PARP11: variants seen among roughly 807,000 people sequenced by gnomAD.
The protein encoded by PARP11 is poly(ADP-ribose) polymerase family member 11.
In PARP11, 31 loss-of-function variants were observed where a neutral mutation model predicts 42.9. The ratio of observed to expected loss-of-function variants is 0.72; its 90% CI spans 0.54 to 0.98. The LOEUF is 0.98. Ranked by LOEUF, PARP11 falls within the 50% of genes least tolerant of loss-of-function variation. PARP11 has a pLI of 0.00. For missense variants in PARP11, 365 were observed against 413.1 expected (o/e 0.88, Z 1.01); for synonymous variants, 137 against 127.3 (o/e 1.08, Z -0.51).
intron 1 of PARP11, among the ~76,000 whole-genome samples, chr12:3,838,251 C>A (rs1947805621): frequency 6.6e-6 from 1 of 151,824 alleles, no homozygotes; most frequent in African/African-American, 2.4e-5. Flanking sequence ...AATCGTATCA[C>A]TTATCTTTTC....
intron 6 of PARP11, among the ~76,000 whole-genome samples, chr12:3,818,754 A>T (rs1329462523): frequency 6.6e-6 from 1 of 152,168 alleles, no homozygotes; most frequent in Non-Finnish European, 1.5e-5. Flanking sequence ...ATCTTACTTG[A>T]CATCTTTTCA....
intron 1 of PARP11, among the ~76,000 whole-genome samples, chr12:3,846,925 A>T (rs1404975539): frequency 6.6e-6 from 1 of 151,902 alleles, no homozygotes; most frequent in Non-Finnish European, 1.5e-5. Flanking sequence ...TCTCTGCACA[A>T]AATTTAAAAA....
chr12:3,849,227 A>G (rs1253462834), intron 1 of PARP11, among the ~76,000 whole-genome samples: 1 of 152,082 alleles, frequency 6.6e-6, no homozygotes, highest in East Asian at 1.9e-4. Flanking sequence ...GTAAATAAGA[A>G]CAGTCACCAT....
Position 3,830,081 on chromosome 12 carries a change from A to T in PARP11, c.19-63T>A, listed in dbSNP as rs1378541048. On this transcript the variant is annotated intron_variant, in intron 1 of 7. Transcript: ENST00000228820. ...TATTAATAACAAGTATACTTTTTACAGATCATTTTACTTCTTTACAAAGAG... is the reference window on the plus strand; with the variant it reads ...TATTAATAACAAGTATACTTTTTACTGATCATTTTACTTCTTTACAAAGAG... 22 of 1,472,390 alleles carry T rather than the reference A, an allele frequency of 1.5e-5. No individual in the cohort carries two copies. In the African/African-American group the frequency reaches 2.5e-4, roughly 17 times the overall value. 91.2% of individuals were successfully genotyped at this position (1,472,390 alleles called of 1,614,324 possible). A position where few individuals can be genotyped will look rare whatever the true frequency, so the allele number is the denominator to read the frequency against.
In PARP11 at chr12:3,855,252, T is replaced by C. The variant is rs1948170755; in HGVS notation, c.18+17960A>G. ...CAGGGATGCCCTCTCTCACCACTCC[T>C]ATTCAACATAGTGTTGAAAGTTCTG... On this transcript the variant is annotated intron_variant, in intron 1 of 7. Transcript: ENST00000228820. 3.3e-5 allele frequency among the ~76,000 whole-genome samples: 5 copies of C among 152,302 alleles called. No homozygotes were observed. The South Asian group carries it at 1.0e-3, about 32-fold the overall frequency.
chr12:3,817,247 G>A (rs762709388), intron 6 of PARP11, among the ~76,000 whole-genome samples: 5 of 152,004 alleles, frequency 3.3e-5, no homozygotes, highest in South Asian at 2.1e-4. Flanking sequence ...ATTGAATCTC[G>A]GTTTGAAAAT....
chr12:3,814,440 C>T (rs1565529641), intron 6 of PARP11, among the ~76,000 whole-genome samples: 1 of 152,212 alleles, frequency 6.6e-6, no homozygotes, highest in East Asian at 1.9e-4. Flanking sequence ...TATAGTTATC[C>T]CATGCTATGC....
chr12:3,860,671 T>C (rs1045946530), intron 1 of PARP11, among the ~76,000 whole-genome samples: 8 of 152,164 alleles, frequency 5.3e-5, no homozygotes, highest in African/African-American at 1.9e-4. Flanking sequence ...ACTTTTTAAT[T>C]TTTTTAGAGA....
rs1489692067 is a variant in PARP11, at chr12:3,861,971, G to A, written c.18+11241C>T. 6.6e-6 allele frequency among the ~76,000 whole-genome samples: 1 copy of A among 152,078 alleles called. No homozygotes were observed. Among genetic ancestry groups the A allele is most frequent in the Non-Finnish European group, 1.5e-5 (1 of 68,020 alleles). ...ACCCAGGAGGCAGAGCTTGCAGTAG[G>A]ATGAGATAGCACCACTGCACTCCAA... On this transcript the variant is annotated intron_variant, in intron 1 of 7. Coordinates refer to ENST00000228820, the MANE Select transcript of PARP11 (RefSeq NM_020367.6). The surrounding 1 kb of genome is among the most constrained non-coding windows in gnomAD (Gnocchi z 4.6).
rs1184409186 is a variant in PARP11 at position 3,840,855 on chromosome 12, A to G, written c.19-10837T>C. 4 of 1,600,044 alleles carry G rather than the reference A, an allele frequency of 2.5e-6. No homozygotes were observed. Among genetic ancestry groups the G allele is most frequent in the East Asian group, 4.5e-5 (2 of 44,852 alleles). ...TAGAGTGCCCTTCTCCTGCAGAACAAAAGCCAGCAGAACATGTGTCTTTGT... is the reference window on the plus strand; with the variant it reads ...TAGAGTGCCCTTCTCCTGCAGAACAGAAGCCAGCAGAACATGTGTCTTTGT... On this transcript the variant is annotated intron_variant, in intron 1 of 7. Transcript: ENST00000228820. The surrounding 1 kb of genome is among the most constrained non-coding windows in gnomAD (Gnocchi z 4.4).
At chr12:3,822,457 G>A (rs954098129) in intron 4 of PARP11, among the ~76,000 whole-genome samples, 2 of 143,636 alleles carry the variant, frequency 1.4e-5, no homozygotes, top group East Asian at 4.3e-4. Flanking sequence ...AAATTAGCCA[G>A]GCGTGGGGGC....
Position 3,830,069 on chromosome 12 carries a change from T to C in PARP11, c.19-51A>G. ...AAGAAATAATTCTATTAATAACAAG[T>C]ATACTTTTTACAGATCATTTTACTT... On this transcript the variant is annotated intron_variant, in intron 1 of 7. Coordinates refer to ENST00000228820, the MANE Select transcript of PARP11 (RefSeq NM_020367.6). The C allele has an allele frequency of 1.9e-6, 3 of 1,554,282 alleles. No individual in the cohort carries two copies. The South Asian group carries it at 3.4e-5, about 18-fold the overall frequency.
intron 1 of PARP11, among the ~76,000 whole-genome samples, chr12:3,868,742 A>G (rs1326612647): frequency 1.3e-5 from 2 of 152,088 alleles, no homozygotes; most frequent in African/African-American, 2.4e-5. Flanking sequence ...TACTTTCCCC[A>G]CATAGTCCAA....
At chr12:3,813,941 T>C in intron 7 of PARP11, 96 bp downstream of exon 7, 1 of 803,938 alleles carries the variant, frequency 1.2e-6, no homozygotes, top group Admixed American at 2.8e-5. Flanking sequence ...TCTCTATATA[T>C]TTGCCATAAA....
At chr12:3,829,135 A>C in intron 2 of PARP11, 105 bp from the exon 3 acceptor site, 2 of 1,162,460 alleles carry the variant, frequency 1.7e-6, no homozygotes, top group Non-Finnish European at 1.2e-6. Context: ...GGGGCGAGGG[A>C]AACTTACTAA....
At position 3,840,272 on chromosome 12, in the gene PARP11, C is replaced by A; in HGVS notation, c.19-10254G>T. 6.2e-7 allele frequency: 1 copy of A among 1,613,826 alleles called. No homozygotes were observed. Among genetic ancestry groups the A allele is most frequent in the Non-Finnish European group, 8.5e-7 (1 of 1,179,708 alleles). ...TTGGTTGAAGAACTGGGAAAGTACA[C>A]ATCAAAGAACCTCAAGGCACCTCCC... On this transcript the variant is annotated intron_variant, in intron 1 of 7. Transcript: ENST00000228820. This position sits in a 1 kb window ranked among gnomAD's most constrained non-coding sequence, Gnocchi z 4.4.
At chr12:3,833,922 C>T (rs1213453278) in intron 1 of PARP11, among the ~76,000 whole-genome samples, 1 of 152,190 alleles carries the variant, frequency 6.6e-6, no homozygotes, top group African/African-American at 2.4e-5. Flanking sequence ...TGGTGTTTCT[C>T]CTCTCCTTCA....
chr12:3,812,488 T>C (rs770339961), intron 7 of PARP11, 49 bp from the exon 8 acceptor site: 6 of 1,403,254 alleles, frequency 4.3e-6, no homozygotes, highest in Non-Finnish European at 5.9e-6. Context: ...GAAGAATATA[T>C]TAAAAACAAG....
At position 3,809,094 on chromosome 12, in the gene PARP11, A is replaced by G. The variant is rs1300448115; in HGVS notation, c.*3029T>C. The stretch of plus-strand genomic sequence containing the variant: ...CATTATCAGCTGGAATGTATTCAAT[A>G]TAGAGTTTTAAAAACCATTTATCAT... On this transcript the variant is annotated 3_prime_UTR_variant, in exon 8 of 8. Transcript: ENST00000228820. The G allele has an allele frequency of 6.6e-6, 1 of 152,152 alleles. No homozygotes were observed. Among genetic ancestry groups the G allele is most frequent in the East Asian group, 1.9e-4 (1 of 5,200 alleles). The allele number at this position is 152,152 out of a possible 1,614,324, so 9.4% of individuals were successfully genotyped here.
Sources: allele counts gnomAD v4.1 joint callset (sites outside exome capture counted in the v4.1 genomes callset), GRCh38; gene constraint gnomAD v4.1.1; non-coding constraint Gnocchi (gnomAD v3.1); transcripts MANE v1.5; gene names NCBI Gene and HGNC (gene_info 2026-07-23, HGNC 2026-07-21).